ARID4B: variants seen among roughly 807,000 people sequenced by gnomAD.
The protein encoded by ARID4B is AT-rich interaction domain 4B.
A neutral mutation model predicts 147.5 loss-of-function variants in ARID4B; 26 were observed. The observed-to-expected ratio is 0.18, with a 90% CI of 0.13 to 0.24. The LOEUF is 0.24. Ranked by LOEUF, ARID4B falls within the 10% of genes least tolerant of loss-of-function variation. The probability of loss-of-function intolerance (pLI) is 1.00; values close to 1 mark genes in which losing one functional copy is unlikely to be tolerated. For synonymous variants in ARID4B, 512 were observed against 507.9 expected (o/e 1.01, Z -0.11); for missense variants, 1,179 against 1,511.5 (o/e 0.78, Z 3.65).
intron 12 of ARID4B, among the ~76,000 whole-genome samples, chr1:235,224,087 G>C (rs181758544): frequency 2.0e-5 from 3 of 152,120 alleles, no homozygotes; most frequent in African/African-American, 7.2e-5. Context: ...TACAATCAGG[G>C]ATTTAGAAAA....
chr1:235,275,874 C>T (rs1053108092), intron 2 of ARID4B, among the ~76,000 whole-genome samples: 8 of 152,196 alleles, frequency 5.3e-5, no homozygotes, highest in Non-Finnish European at 7.3e-5. Flanking sequence ...CAGTGGCTCA[C>T]GCCTGTAATC....
At chr1:235,180,975 C>A (rs1231044498) in intron 20 of ARID4B, 1 of 357,214 alleles carries the variant, frequency 2.8e-6, no homozygotes, top group Middle Eastern at 1.2e-3. Context: ...CACGGAAAAT[C>A]AAAAAAGTAT....
intron 13 of ARID4B, among the ~76,000 whole-genome samples, chr1:235,222,191 C>A (rs1031235208): frequency 1.3e-5 from 2 of 152,014 alleles, no homozygotes; most frequent in African/African-American, 4.8e-5. Context: ...AGATTACAGG[C>A]ATGAGTCACC....
In ARID4B at chr1:235,209,598, C is replaced by G. The variant is rs530020380; in HGVS notation, c.1841+4171G>C. Among the ~76,000 whole-genome samples, 184 of 141,388 alleles carry G rather than the reference C, an allele frequency of 1.3e-3. 1 individual carries two copies. Among genetic ancestry groups the G allele is most frequent in the African/African-American group, 4.8e-3 (180 of 37,670 alleles). 92.8% of individuals were successfully genotyped at this position (141,388 alleles called of 152,430 possible). ...TTTTTTTTTGAGATGGAGTCTTGCTCTGTCACCCAGGCTGGAGTGCAATGG... is the reference window on the plus strand; with the variant it reads ...TTTTTTTTTGAGATGGAGTCTTGCTGTGTCACCCAGGCTGGAGTGCAATGG... On this transcript the variant is annotated intron_variant, in intron 17 of 23. Coordinates refer to ENST00000264183, the MANE Select transcript of ARID4B (RefSeq NM_016374.6).
chr1:235,310,704 G>T (rs1410715778), intron 2 of ARID4B, among the ~76,000 whole-genome samples: 1 of 152,112 alleles, frequency 6.6e-6, no homozygotes, highest in African/African-American at 2.4e-5. Flanking sequence ...GTCTTGCTCT[G>T]TCACCTAGGC....
intron 14 of ARID4B, among the ~76,000 whole-genome samples, chr1:235,221,104 G>C (rs1667439849): frequency 6.6e-6 from 1 of 152,142 alleles, no homozygotes; most frequent in African/African-American, 2.4e-5. Context: ...CGCCATGCTG[G>C]CCAGGCTGGT....
At chr1:235,254,831 T>C (rs4412584) in intron 5 of ARID4B, among the ~76,000 whole-genome samples, 42,892 of 151,780 alleles carry the variant, frequency 0.28, 7,425 homozygotes, top group South Asian at 0.53. Context: ...TATGAAAAGA[T>C]GTTCAATCTC....
intron 6 of ARID4B, among the ~76,000 whole-genome samples, chr1:235,247,914 G>T (rs757499760): frequency 6.6e-6 from 1 of 152,058 alleles, no homozygotes; most frequent in Admixed American, 6.5e-5. Context: ...CTTGAACCCG[G>T]CAGGCAGAGG....
At chr1:235,226,363 G>A (rs1667828761) in intron 11 of ARID4B, among the ~76,000 whole-genome samples, 1 of 151,966 alleles carries the variant, frequency 6.6e-6, no homozygotes, top group Non-Finnish European at 1.5e-5. Flanking sequence ...TTCTTTTTTT[G>A]TTTTGTCTTG....
intron 22 of ARID4B, among the ~76,000 whole-genome samples, chr1:235,173,120 C>T (rs1054736285): frequency 6.6e-6 from 1 of 151,414 alleles, no homozygotes; most frequent in Non-Finnish European, 1.5e-5. Flanking sequence ...CCGAGGTGGG[C>T]GGATCACGAG....
intron 2 of ARID4B, among the ~76,000 whole-genome samples, chr1:235,309,511 C>T (rs1294717857): frequency 6.1e-5 from 9 of 146,738 alleles, no homozygotes; most frequent in Non-Finnish European, 9.0e-5. Flanking sequence ...AAGTGAGGAG[C>T]CCCTCTGCCC....
At chr1:235,324,031 G>A (rs377579112) in intron 2 of ARID4B, among the ~76,000 whole-genome samples, 5 of 151,464 alleles carry the variant, frequency 3.3e-5, no homozygotes, top group Non-Finnish European at 7.4e-5. Flanking sequence ...TCAGCCTTCC[G>A]AATAGCTGGG....
chr1:235,309,053 C>A (rs1236329065), intron 2 of ARID4B, among the ~76,000 whole-genome samples: 1 of 148,866 alleles, frequency 6.7e-6, no homozygotes, highest in Non-Finnish European at 1.5e-5. Flanking sequence ...CGGCCGCCAT[C>A]CCATCTAGGA....
At chr1:235,272,309 T>C (rs1485015495) in intron 2 of ARID4B, among the ~76,000 whole-genome samples, 1 of 152,206 alleles carries the variant, frequency 6.6e-6, no homozygotes, top group Non-Finnish European at 1.5e-5. Flanking sequence ...GATTCCTATC[T>C]GTCCTCTAGA....
intron 17 of ARID4B, among the ~76,000 whole-genome samples, chr1:235,201,888 A>C (rs1357982507): frequency 6.6e-6 from 1 of 152,070 alleles, no homozygotes; most frequent in Non-Finnish European, 1.5e-5. Flanking sequence ...TGTCTCAAAA[A>C]AATATGTAAA....
intron 2 of ARID4B, among the ~76,000 whole-genome samples, chr1:235,321,459 GA>G (rs560379157): frequency 2.2e-3 from 333 of 151,954 alleles, no homozygotes; most frequent in African/African-American, 7.8e-3. Flanking sequence ...AATTTCCTAA[GA>G]AAAAAACCTC....
chr1:235,307,798 T>C (rs766402422), intron 2 of ARID4B, among the ~76,000 whole-genome samples: 1 of 152,226 alleles, frequency 6.6e-6, no homozygotes, highest in Non-Finnish European at 1.5e-5. Context: ...TTCAAAGCTT[T>C]GTACAAAGCC....
intron 2 of ARID4B, among the ~76,000 whole-genome samples, chr1:235,311,668 G>C (rs946408471): frequency 1.2e-4 from 18 of 152,028 alleles, no homozygotes; most frequent in African/African-American, 4.3e-4. Context: ...CAGCTACTTG[G>C]GAGGCAGAAA....
rs1376306192 is a variant in ARID4B, at chr1:235,221,749, T to G, written c.1066-87A>C. On this transcript the variant is annotated intron_variant, in intron 13 of 23. Coordinates refer to ENST00000264183, the MANE Select transcript of ARID4B (RefSeq NM_016374.6). ...ATAGACACAGTATATATGAGTATAT[T>G]TTTATATTTATTGGTCCTAGACTCA... The G allele has an allele frequency of 1.4e-5, 8 of 568,608 alleles. No individual in the cohort carries two copies. In the South Asian group the frequency reaches 2.8e-4, roughly 20 times the overall value. The allele number at this position is 568,608 out of a possible 1,614,324, so 35.2% of individuals were successfully genotyped here.
Sources: allele counts gnomAD v4.1 joint callset (sites outside exome capture counted in the v4.1 genomes callset), GRCh38; gene constraint gnomAD v4.1.1; transcripts MANE v1.5; gene names NCBI Gene and HGNC (gene_info 2026-07-23, HGNC 2026-07-21).